Variants in ACAD10 observed in about 807,000 individuals in gnomAD.
ACAD10 encodes ACAD-10.
ACAD10 carries 112 observed loss-of-function variants against 116.8 expected under a neutral mutation model. The observed-to-expected ratio is 0.96, with a 90% CI of 0.82 to 1.12. The LOEUF (loss-of-function observed/expected upper bound fraction) is 1.12, where lower values mean the gene tolerates loss of function less well. Ranked by LOEUF, ACAD10 falls within the 50% of genes most tolerant of loss-of-function variation. The probability of loss-of-function intolerance (pLI) is 0.00; values close to 1 mark genes in which losing one functional copy is unlikely to be tolerated. For missense variants in ACAD10, 1,259 were observed against 1,350.2 expected (o/e 0.93, Z 1.06); for synonymous variants, 486 against 510.6 (o/e 0.95, Z 0.65).
chr12:111,710,269 G>T (rs1328893360), intron 5 of ACAD10: 4 of 453,394 alleles, frequency 8.8e-6, no homozygotes, highest in Non-Finnish European at 1.8e-5. Context: ...TGTATTTTTT[G>T]TAGAGACAGG....
At chr12:111,698,548 G>C (rs1888256597) in intron 2 of ACAD10, among the ~76,000 whole-genome samples, 1 of 151,334 alleles carries the variant, frequency 6.6e-6, no homozygotes, top group Non-Finnish European at 1.5e-5. Flanking sequence ...TGCAATCTTG[G>C]CTCACCACAA....
At chr12:111,725,530 T>TTTC (rs779692569) in intron 8 of ACAD10, among the ~76,000 whole-genome samples, 2 of 151,716 alleles carry the variant, frequency 1.3e-5, no homozygotes, top group African/African-American at 2.4e-5. Flanking sequence ...TTTCCTTTCT[T>TTTC]TTCTTCTTCT....
chr12:111,697,650 T>A (rs1469776264), intron 2 of ACAD10, among the ~76,000 whole-genome samples: 3 of 149,798 alleles, frequency 2.0e-5, no homozygotes, highest in Non-Finnish European at 4.4e-5. Flanking sequence ...AGTGATGCTA[T>A]CTCAGCTCAC....
chr12:111,704,664 TTTTCTTTC>T (rs755036420), intron 3 of ACAD10, among the ~76,000 whole-genome samples: 5 of 149,038 alleles, frequency 3.4e-5, no homozygotes, highest in Non-Finnish European at 5.9e-5. Context: ...AATATAAGAG[TTTTCTTTC>T]TTTCTTTCTT....
intron 13 of ACAD10, chr12:111,745,354 CAG>C: frequency 2.2e-6 from 1 of 444,572 alleles, no homozygotes; most frequent in Non-Finnish European, 4.0e-6. Context: ...AAATTTGAAA[CAG>C]TGCTGTATCA....
At chr12:111,730,340 C>T (rs1280311220) in intron 10 of ACAD10, among the ~76,000 whole-genome samples, 1 of 152,124 alleles carries the variant, frequency 6.6e-6, no homozygotes, top group Non-Finnish European at 1.5e-5. Context: ...ATGGCCATAC[C>T]ACCCTGAACA....
At chr12:111,708,400 C>T (rs1184368407) in intron 4 of ACAD10, among the ~76,000 whole-genome samples, 8 of 152,072 alleles carry the variant, frequency 5.3e-5, no homozygotes, top group Non-Finnish European at 1.0e-4. Flanking sequence ...TACGTTACAT[C>T]GACTGGTGTC....
At chr12:111,725,432 T>C (rs1366288136) in intron 8 of ACAD10, among the ~76,000 whole-genome samples, 1 of 152,116 alleles carries the variant, frequency 6.6e-6, no homozygotes, top group Non-Finnish European at 1.5e-5. Flanking sequence ...GAGGATCACC[T>C]GAGCCTGGGA....
chr12:111,710,413 A>G, intron 5 of ACAD10: 1 of 353,376 alleles, frequency 2.8e-6, no homozygotes, highest in South Asian at 2.0e-5. Flanking sequence ...TTGGGTTTTC[A>G]TCGTCGAGCT....
intron 6 of ACAD10, among the ~76,000 whole-genome samples, chr12:111,715,165 A>C (rs1888805615): frequency 6.6e-6 from 1 of 152,258 alleles, no homozygotes; most frequent in Non-Finnish European, 1.5e-5. Context: ...GGCCAGCCAG[A>C]AGAACTCAGG....
intron 10 of ACAD10, among the ~76,000 whole-genome samples, chr12:111,732,340 A>G (rs1889411816): frequency 6.6e-6 from 1 of 152,216 alleles, no homozygotes; most frequent in Non-Finnish European, 1.5e-5. Flanking sequence ...AGATAATCGA[A>G]GTAGAAAAAA....
chr12:111,736,997 A>G lies in ACAD10; in HGVS notation c.1707A>G (p.Ser569=), dbSNP rs1286284184. 1.2e-6 allele frequency: 2 copies of G among 1,613,048 alleles called. No individual in the cohort carries two copies. The highest frequency in any genetic ancestry group is 2.7e-5 in the African/African-American group (2 of 74,750). The change falls in exon 12 of 21, where the codon TCA becomes TCG. Residue 569 remains serine (S), a synonymous_variant. Coordinates refer to ENST00000313698, the MANE Select transcript of ACAD10 (RefSeq NM_025247.6). ...TCCTACAGGGAGTCTACAAGCGATC[A>G]CTCACAGGTAATGGGATGGCTGCCC... ...AAILQGVYKR[S]LTGQASSTYA...
chr12:111,726,917 G>A (rs994895836), intron 8 of ACAD10, among the ~76,000 whole-genome samples: 1 of 151,536 alleles, frequency 6.6e-6, no homozygotes, highest in Admixed American at 6.6e-5. Context: ...TCAACTAAGA[G>A]CAGAGTTGGG....
chr12:111,733,030 C>T (rs150275017), intron 10 of ACAD10, among the ~76,000 whole-genome samples: 145 of 152,252 alleles, frequency 9.5e-4, no homozygotes, highest in African/African-American at 3.1e-3. Context: ...CCTTGGGCCT[C>T]TCTTTCTGTC....
chr12:111,702,377 A>G (rs1157832036), intron 3 of ACAD10, 67 bp downstream of exon 3: 1 of 1,560,322 alleles, frequency 6.4e-7, no homozygotes, highest in African/African-American at 1.4e-5. Context: ...TGCAACATTC[A>G]TGTATAAGTT....
intron 7 of ACAD10, among the ~76,000 whole-genome samples, chr12:111,719,794 C>T (rs1888964599): frequency 6.6e-6 from 1 of 152,148 alleles, no homozygotes; most frequent in Non-Finnish European, 1.5e-5. Flanking sequence ...GTGGCACGAT[C>T]TCGGCCCACT....
In ACAD10 at chr12:111,749,335, T is replaced by C. The variant is rs199993809; in HGVS notation, c.2807T>C (p.Met936Thr). 11 of 1,612,800 alleles carry C rather than the reference T, an allele frequency of 6.8e-6. No individual in the cohort carries two copies. Among genetic ancestry groups the C allele is most frequent in the Non-Finnish European group, 9.3e-6 (11 of 1,179,430 alleles). ...IGFSERALAL[M>T]KARVKSRLAF... ...TTCTCAGAGAGGGCCCTGGCACTCA[T>C]GAAGGCCCGCGTGAGTGCTTTCCCC... Residue 936 changes from methionine to threonine, a missense_variant, in exon 18 of 21, where the codon ATG becomes ACG. Met to Thr is a moderately conservative substitution (Grantham distance 81). Coordinates refer to ENST00000313698, the MANE Select transcript of ACAD10 (RefSeq NM_025247.6).
intron 2 of ACAD10, among the ~76,000 whole-genome samples, chr12:111,697,397 A>G (rs1823639199): frequency 7.3e-6 from 1 of 136,366 alleles, no homozygotes; most frequent in Admixed American, 7.7e-5. Flanking sequence ...GCATCATTCC[A>G]TTGCCCAGGC....
chr12:111,740,587 G>A (rs1218289052), intron 12 of ACAD10, among the ~76,000 whole-genome samples: 26 of 151,010 alleles, frequency 1.7e-4, no homozygotes, highest in African/African-American at 5.8e-4. Context: ...ATGAAACCCC[G>A]TCTCTACTAA....
Sources: allele counts gnomAD v4.1 joint callset (sites outside exome capture counted in the v4.1 genomes callset), GRCh38; gene constraint gnomAD v4.1.1; transcripts MANE v1.5; gene names NCBI Gene and HGNC (gene_info 2026-07-23, HGNC 2026-07-21).